Variants in PARD3B observed in about 807,000 individuals in gnomAD.
PARD3B encodes the protein partitioning defective 3 homolog B.
In PARD3B, 103 loss-of-function variants were observed where a neutral mutation model predicts 130.2. That is an observed-to-expected ratio of 0.79 (90% CI 0.67 to 0.93). PARD3B has a LOEUF of 0.93. Ranked by LOEUF, PARD3B falls within the 40% of genes least tolerant of loss-of-function variation. PARD3B has a pLI of 0.00. For missense variants in PARD3B, 1,609 were observed against 1,499.2 expected (o/e 1.07, Z -1.21); for synonymous variants, 583 against 553.2 (o/e 1.05, Z -0.76).
rs182561722 is a variant in PARD3B at position 205,204,788 on chromosome 2, A to G, written c.2140+11468A>G. On this transcript the variant is annotated intron_variant, in intron 15 of 22. Coordinates refer to ENST00000406610, the MANE Select transcript of PARD3B (RefSeq NM_001302769.2). ...GTGTGATGTTATTTCTGAGGTCTCTATTCTGTTCCATTGGTCTATATATCT... is the reference window on the plus strand; with the variant it reads ...GTGTGATGTTATTTCTGAGGTCTCTGTTCTGTTCCATTGGTCTATATATCT... Among the ~76,000 whole-genome samples, 12 of 152,104 alleles carry G rather than the reference A, an allele frequency of 7.9e-5. No homozygotes were observed. In the East Asian group the frequency reaches 2.3e-3, roughly 29 times the overall value.
At chr2:204,915,561 C>A (rs1269151616) in intron 2 of PARD3B, among the ~76,000 whole-genome samples, 1 of 152,042 alleles carries the variant, frequency 6.6e-6, no homozygotes, top group Non-Finnish European at 1.5e-5. Flanking sequence ...CAAAATACCT[C>A]TAAAATTTAG....
rs569848912 is a variant in PARD3B, at chr2:205,068,147, G to A, written c.504+20457G>A. ...ACACCTGTTCAGTCTGGGACTGTGC[G>A]TATGTGTTGTTTCTCTGTTTGGGGA... On this transcript the variant is annotated intron_variant, in intron 4 of 22. Transcript: ENST00000406610. 3.9e-5 allele frequency among the ~76,000 whole-genome samples: 6 copies of A among 152,270 alleles called. No individual in the cohort carries two copies. The East Asian group carries it at 7.7e-4, about 20-fold the overall frequency.
chr2:205,136,724 C>A (rs1017399), intron 10 of PARD3B, among the ~76,000 whole-genome samples: 5 of 152,206 alleles, frequency 3.3e-5, no homozygotes, highest in Admixed American at 6.5e-5. Context: ...AAAACGGCCA[C>A]CCAAAACATC....
rs148642252 is a variant in PARD3B, at chr2:205,079,658, G to A, written c.505-24768G>A. Among the ~76,000 whole-genome samples the A allele has an allele frequency of 3.9e-3, 598 of 152,156 alleles. 6 individuals carry two copies. Among genetic ancestry groups the A allele is most frequent in the African/African-American group, 0.014 (579 of 41,538 alleles). ...GAATTTTGGAGGGCACACAAATCTT[G>A]AGGGAGATTATAGCACCTCCTGAGA... On this transcript the variant is annotated intron_variant, in intron 4 of 22. Coordinates refer to ENST00000406610, the MANE Select transcript of PARD3B (RefSeq NM_001302769.2).
At chr2:205,428,162 C>A (rs137992460) in intron 19 of PARD3B, among the ~76,000 whole-genome samples, 1 of 151,944 alleles carries the variant, frequency 6.6e-6, no homozygotes, top group Non-Finnish European at 1.5e-5. Flanking sequence ...GCAGGTTGAT[C>A]GCTTGACCTC....
At chr2:204,609,419 A>G (rs1046739134) in intron 1 of PARD3B, among the ~76,000 whole-genome samples, 2 of 152,160 alleles carry the variant, frequency 1.3e-5, no homozygotes, top group Non-Finnish European at 2.9e-5. Flanking sequence ...GGTGTGCCCA[A>G]GGTGGTCAGG....
At chr2:205,484,264 C>G in intron 20 of PARD3B, among the ~76,000 whole-genome samples, 1 of 152,170 alleles carries the variant, frequency 6.6e-6, no homozygotes, top group East Asian at 1.9e-4. Context: ...TTACATTCCT[C>G]TAGGAACACA....
chr2:205,354,026 CTTTTTTTTTTT>C (rs869308018), intron 18 of PARD3B, among the ~76,000 whole-genome samples: 8 of 50,352 alleles, frequency 1.6e-4, no homozygotes, highest in East Asian at 3.9e-4. Context: ...TTTTCTTTTC[CTTTTTTTTTTT>C]TTTTTTTTTT....
intron 2 of PARD3B, among the ~76,000 whole-genome samples, chr2:204,833,287 G>A (rs1407973329): frequency 6.6e-6 from 1 of 151,960 alleles, no homozygotes; most frequent in East Asian, 1.9e-4. Context: ...ATAACCCTTT[G>A]TTTTTCTCAC....
intron 1 of PARD3B, among the ~76,000 whole-genome samples, chr2:204,665,856 G>A (rs2035999507): frequency 6.6e-6 from 1 of 152,202 alleles, no homozygotes; most frequent in Non-Finnish European, 1.5e-5. Context: ...ATCTTGGGCT[G>A]TATATGTGAT....
rs531786078 is a variant in PARD3B at position 204,864,049 on chromosome 2, T to C, written c.223-101103T>C. ...TTCCATGGGGGTGTTCCTTTCATCT[T>C]GATAGCGCTTCACTGGGGAGATTGT... On this transcript the variant is annotated intron_variant, in intron 2 of 22. Coordinates refer to ENST00000406610, the MANE Select transcript of PARD3B (RefSeq NM_001302769.2). Among the ~76,000 whole-genome samples, 17 of 152,328 alleles carry C rather than the reference T, an allele frequency of 1.1e-4. 1 individual carries two copies. The South Asian group carries it at 3.5e-3, about 32-fold the overall frequency.
chr2:205,282,271 G>A (rs2041218042), intron 16 of PARD3B, among the ~76,000 whole-genome samples: 1 of 151,818 alleles, frequency 6.6e-6, no homozygotes, highest in Admixed American at 6.6e-5. Context: ...GATTGGACTT[G>A]GATTATTATT....
chr2:205,398,074 A>G (rs2046093600), intron 18 of PARD3B, among the ~76,000 whole-genome samples: 1 of 152,054 alleles, frequency 6.6e-6, no homozygotes, highest in South Asian at 2.1e-4. Flanking sequence ...CGAGGCAGGC[A>G]GATCACCTGA....
intron 1 of PARD3B, among the ~76,000 whole-genome samples, chr2:204,587,664 A>G (rs1293424425): frequency 6.6e-6 from 1 of 152,210 alleles, no homozygotes; most frequent in African/African-American, 2.4e-5. Flanking sequence ...GCTCCAAGGG[A>G]GAAGAGCAGG....
intron 1 of PARD3B, among the ~76,000 whole-genome samples, chr2:204,671,195 C>G (rs1019357): frequency 0.8 from 121,827 of 152,020 alleles, 49,062 homozygotes; most frequent in Middle Eastern, 0.89. Flanking sequence ...ACTTTGCTGG[C>G]GTTGGATAGA....
intron 21 of PARD3B, among the ~76,000 whole-genome samples, chr2:205,545,270 A>G (rs1029685711): frequency 3.9e-5 from 6 of 152,226 alleles, no homozygotes; most frequent in Non-Finnish European, 7.3e-5. Flanking sequence ...GCATTTTAGC[A>G]AAAGTCTTAA....
chr2:205,324,461 CAAGA>C (rs1388690706), intron 18 of PARD3B, among the ~76,000 whole-genome samples: 1 of 152,020 alleles, frequency 6.6e-6, no homozygotes, highest in African/African-American at 2.4e-5. Context: ...AATTACTGTT[CAAGA>C]AAGTAACTGA....
chr2:205,251,645 T>C (rs2039854528), intron 16 of PARD3B, among the ~76,000 whole-genome samples: 1 of 152,228 alleles, frequency 6.6e-6, no homozygotes, highest in South Asian at 2.1e-4. Flanking sequence ...AAAATTTGAA[T>C]GTGCATTTAC....
In PARD3B at chr2:205,168,320, A is replaced by AGAGAGAGAGAGAGAGAGTGAGT. The variant is rs371904121; in HGVS notation, c.1621-3890_1621-3889insAGAGAGAGAGAGAGAGTGAGTG. On this transcript the variant is annotated intron_variant, in intron 11 of 22. Coordinates refer to ENST00000406610, the MANE Select transcript of PARD3B (RefSeq NM_001302769.2). ...GAGAGAGAGAGAGAGAGAGAGAGAG[A>AGAGAGAGAGAGAGAGAGTGAGT]GTGTGTGTGTGTGAATATTGCAAGC... 5.8e-5 allele frequency among the ~76,000 whole-genome samples: 7 copies of AGAGAGAGAGAGAGAGAGTGAGT among 119,762 alleles called. No homozygotes were observed. The East Asian group carries it at 1.7e-3, about 30-fold the overall frequency. 78.6% of individuals were successfully genotyped at this position (119,762 alleles called of 152,430 possible).
Sources: allele counts gnomAD v4.1 joint callset (sites outside exome capture counted in the v4.1 genomes callset), GRCh38; gene constraint gnomAD v4.1.1; transcripts MANE v1.5; gene names NCBI Gene and HGNC (gene_info 2026-07-23, HGNC 2026-07-21).